PCCA: variants seen among roughly 807,000 people sequenced by gnomAD.
PCCA encodes propionyl-CoA carboxylase subunit alpha, also known as propionyl-CoA carboxylase alpha chain, mitochondrial.
PCCA carries 74 observed loss-of-function variants against 101.3 expected under a neutral mutation model. That is an observed-to-expected ratio of 0.73 (90% CI 0.61 to 0.89). PCCA has a LOEUF of 0.89. Among genes scored for constraint, PCCA ranks in the 40% least tolerant of loss-of-function variants. The pLI is 0.00. For synonymous variants in PCCA, 294 were observed against 313.6 expected, an observed-to-expected ratio of 0.94 and a Z score of 0.66; for missense variants, 891 against 907.0, an observed-to-expected ratio of 0.98 and a Z score of 0.23.
chr13:100,229,786 C>T (rs2060357629), intron 7 of PCCA, among the ~76,000 whole-genome samples: 2 of 152,162 alleles, frequency 1.3e-5, no homozygotes, highest in Non-Finnish European at 2.9e-5. Flanking sequence ...AAACTGCTGG[C>T]GAATGTACCC....
At chr13:100,370,074 CTTTTTTTTTTTT>C (rs386380451) in intron 19 of PCCA, among the ~76,000 whole-genome samples, 4 of 74,668 alleles carry the variant, frequency 5.4e-5, no homozygotes, top group South Asian at 6.0e-4. Context: ...GCTGTTACTT[CTTTTTTTTTTTT>C]TTTTTTTTTT....
At chr13:100,129,601 C>T (rs2050291640) in intron 4 of PCCA, among the ~76,000 whole-genome samples, 1 of 152,172 alleles carries the variant, frequency 6.6e-6, no homozygotes, top group Admixed American at 6.5e-5. Flanking sequence ...TCCTAATCTA[C>T]ATCCAGGTCT....
At chr13:100,089,711 C>T (rs539741624) in intron 1 of PCCA, among the ~76,000 whole-genome samples, 2 of 152,304 alleles carry the variant, frequency 1.3e-5, no homozygotes, top group Admixed American at 1.3e-4. Flanking sequence ...AGTATTATAC[C>T]ATGTCAGGAC....
chr13:100,355,749 G>A (rs147067971), intron 18 of PCCA, among the ~76,000 whole-genome samples: 1 of 152,154 alleles, frequency 6.6e-6, no homozygotes, highest in East Asian at 1.9e-4. Context: ...ATCCTTACTA[G>A]AATCCCAGCT....
chr13:100,524,983 G>GGATGGATGGATAGATAGATAGATA (rs1555330339), intron 22 of PCCA, among the ~76,000 whole-genome samples: 424 of 137,258 alleles, frequency 3.1e-3, no homozygotes, highest in Non-Finnish European at 3.1e-3. Flanking sequence ...TCTCTAAGAT[G>GGATGGATGGATAGATAGATAGATA]GATAGATAGA....
At chr13:100,262,140 C>A (rs549349801) in intron 9 of PCCA, among the ~76,000 whole-genome samples, 2 of 152,064 alleles carry the variant, frequency 1.3e-5, no homozygotes, top group Non-Finnish European at 2.9e-5. Context: ...CACCTGTAAT[C>A]CCAGCACTTT....
In PCCA at chr13:100,212,740, TTA is replaced by T. The variant is rs1394920423; in HGVS notation, c.600+3278_600+3279del. Among the ~76,000 whole-genome samples the T allele has an allele frequency of 3.9e-5, 6 of 152,166 alleles. No homozygotes were observed. In the East Asian group the frequency reaches 1.2e-3, roughly 29 times the overall value. ...GTGTTACAAACAGTCTAATATACTT[TTA>T]GTTATTTAAAAATGTACAATAAATT... On this transcript the variant is annotated intron_variant, in intron 7 of 23. Coordinates refer to ENST00000376285, the MANE Select transcript of PCCA (RefSeq NM_000282.4).
chr13:100,227,666 G>A, intron 7 of PCCA, among the ~76,000 whole-genome samples: 1 of 152,128 alleles, frequency 6.6e-6, no homozygotes, highest in East Asian at 1.9e-4. Flanking sequence ...CCCCATCGGT[G>A]CTCAAAAGAG....
rs534719019 is a variant in PCCA at position 100,526,511 on chromosome 13, G to A, written c.2041-1164G>A. On this transcript the variant is annotated intron_variant, in intron 22 of 23. Transcript: ENST00000376285. The stretch of plus-strand genomic sequence containing the variant: ...CAGCAAGACAGCTTGCGCCACACGG[G>A]GGGGCCAGAGGGGGACTTGGAGATC... Among the ~76,000 whole-genome samples the A allele has an allele frequency of 6.6e-5, 10 of 152,348 alleles. No homozygotes were observed. In the East Asian group the frequency reaches 7.7e-4, roughly 12 times the overall value.
At chr13:100,193,534 A>C (rs140694234) in intron 6 of PCCA, among the ~76,000 whole-genome samples, 1,583 of 152,338 alleles carry the variant, frequency 0.01, 32 homozygotes, top group African/African-American at 0.036. Context: ...GCTTTTAAAT[A>C]GTATGAAATA....
chr13:100,342,404 C>T (rs1159150435), intron 18 of PCCA, among the ~76,000 whole-genome samples: 1 of 152,012 alleles, frequency 6.6e-6, no homozygotes, highest in Non-Finnish European at 1.5e-5. Context: ...GTTGGGACTA[C>T]AGGCATACAC....
At chr13:100,131,276 G>C (rs2050491259) in intron 4 of PCCA, among the ~76,000 whole-genome samples, 1 of 152,106 alleles carries the variant, frequency 6.6e-6, no homozygotes, top group African/African-American at 2.4e-5. Flanking sequence ...CCTTCGAAAG[G>C]CTGGTGCAGG....
intron 22 of PCCA, among the ~76,000 whole-genome samples, chr13:100,525,022 T>C (rs948764682): frequency 1.4e-5 from 2 of 141,622 alleles, no homozygotes; most frequent in Admixed American, 7.0e-5. Context: ...GATAGATAGA[T>C]AGATAGACAG....
intron 7 of PCCA, among the ~76,000 whole-genome samples, chr13:100,218,428 C>T (rs1264631447): frequency 6.6e-6 from 1 of 151,976 alleles, no homozygotes; most frequent in Non-Finnish European, 1.5e-5. Flanking sequence ...GTTATCCACC[C>T]GCCTTGGCCT....
intron 23 of PCCA, among the ~76,000 whole-genome samples, chr13:100,529,318 A>T (rs2088164463): frequency 6.6e-6 from 1 of 152,216 alleles, no homozygotes; most frequent in Non-Finnish European, 1.5e-5. Flanking sequence ...CATTGTGGAA[A>T]GCAGCCTTTT....
chr13:100,522,444 A>C (rs1239042318), intron 22 of PCCA, among the ~76,000 whole-genome samples: 2 of 152,136 alleles, frequency 1.3e-5, no homozygotes, highest in Non-Finnish European at 2.9e-5. Context: ...AATGTTTAGC[A>C]CAGTGGAAAG....
intron 4 of PCCA, among the ~76,000 whole-genome samples, chr13:100,119,408 A>G (rs2049142946): frequency 6.6e-6 from 1 of 152,080 alleles, no homozygotes; most frequent in Admixed American, 6.6e-5. Context: ...GGATTTGGCC[A>G]GGTAGGATAG....
chr13:100,302,716 G>T lies in PCCA; in HGVS notation c.1210-208G>T, dbSNP rs148663260. 6.7e-3 allele frequency among the ~76,000 whole-genome samples: 1,025 copies of T among 152,180 alleles called. 14 individuals are homozygous for T. The highest frequency in any genetic ancestry group is 0.023 in the African/African-American group (966 of 41,524). On this transcript the variant is annotated intron_variant, in intron 13 of 23. Coordinates refer to ENST00000376285, the MANE Select transcript of PCCA (RefSeq NM_000282.4). ...TTCAATAAAGTATGAACAAGGTCAG[G>T]CTAAATTCTGCTTACAGTTCTGTTT...
intron 14 of PCCA, among the ~76,000 whole-genome samples, chr13:100,306,628 T>C (rs767348092): frequency 5.8e-5 from 4 of 69,120 alleles, no homozygotes; most frequent in Non-Finnish European, 1.1e-4. Context: ...AATCACAAAA[T>C]CAGAACTCTA....
Sources: allele counts gnomAD v4.1 joint callset (sites outside exome capture counted in the v4.1 genomes callset), GRCh38; gene constraint gnomAD v4.1.1; transcripts MANE v1.5; gene names NCBI Gene and HGNC (gene_info 2026-07-23, HGNC 2026-07-21).